GRID2: variants seen among roughly 807,000 people sequenced by gnomAD.
The protein encoded by GRID2 is glutamate ionotropic receptor delta type subunit 2.
Under a neutral mutation model 114.8 loss-of-function variants are expected in GRID2, and 33 were observed. That is an observed-to-expected ratio of 0.29 (90% CI 0.22 to 0.38). GRID2 has a LOEUF of 0.38. GRID2 is among the 10% of genes least tolerant of loss of function. The pLI, the probability that GRID2 is intolerant of heterozygous loss-of-function variation, is 1.00. For missense variants in GRID2, 1,184 were observed against 1,257.7 expected, an observed-to-expected ratio of 0.94 and a Z score of 0.89; for synonymous variants, 505 against 449.9, an observed-to-expected ratio of 1.12 and a Z score of -1.55.
intron 14 of GRID2, among the ~76,000 whole-genome samples, chr4:93,767,027 T>C (rs1733731034): frequency 6.6e-6 from 1 of 152,240 alleles, no homozygotes; most frequent in African/African-American, 2.4e-5. Flanking sequence ...CTTTGTGTGT[T>C]GCCTAACACA....
intron 1 of GRID2, among the ~76,000 whole-genome samples, chr4:92,443,427 T>C (rs528931058): frequency 4.8e-5 from 7 of 147,188 alleles, no homozygotes; most frequent in South Asian, 4.3e-4. Context: ...GAATGGAGGG[T>C]GGAAGGTTGC....
intron 1 of GRID2, among the ~76,000 whole-genome samples, chr4:92,519,242 C>T (rs1469699832): frequency 6.6e-6 from 1 of 151,560 alleles, no homozygotes; most frequent in Non-Finnish European, 1.5e-5. Flanking sequence ...AAGCATTTGC[C>T]TAAAAGTCAC....
intron 1 of GRID2, among the ~76,000 whole-genome samples, chr4:92,367,593 A>C (rs1376660141): frequency 6.6e-6 from 1 of 152,056 alleles, no homozygotes; most frequent in Admixed American, 6.6e-5. Flanking sequence ...TATAGTGGGC[A>C]TTGGGCAGAA....
intron 2 of GRID2, among the ~76,000 whole-genome samples, chr4:92,858,900 C>G (rs947429687): frequency 6.6e-6 from 1 of 152,090 alleles, no homozygotes; most frequent in African/African-American, 2.4e-5. Flanking sequence ...TTTTAAGTTT[C>G]CATCTCAGGA....
At chr4:93,704,448 C>A (rs1435983466) in intron 14 of GRID2, among the ~76,000 whole-genome samples, 1 of 152,060 alleles carries the variant, frequency 6.6e-6, no homozygotes, top group Non-Finnish European at 1.5e-5. Context: ...CTGTAGGTTG[C>A]CTGTTCACTC....
chr4:92,389,724 T>C (rs1172324825), intron 1 of GRID2, among the ~76,000 whole-genome samples: 1 of 152,062 alleles, frequency 6.6e-6, no homozygotes, highest in Non-Finnish European at 1.5e-5. Flanking sequence ...ACTGATGATA[T>C]GGAACTGGGT....
At chr4:93,357,018 T>G (rs543051839) in intron 8 of GRID2, among the ~76,000 whole-genome samples, 1 of 151,844 alleles carries the variant, frequency 6.6e-6, no homozygotes, top group Non-Finnish European at 1.5e-5. Context: ...TATCTATATT[T>G]AAATTCTTAT....
intron 2 of GRID2, among the ~76,000 whole-genome samples, chr4:93,042,696 TATATATGCATATATATATAG>T (rs1463474714): frequency 6.9e-6 from 1 of 144,692 alleles, no homozygotes; most frequent in Non-Finnish European, 1.5e-5. Flanking sequence ...TATATGCATA[TATATATGCATATATATATAG>T]ATATATAGAG....
intron 11 of GRID2, among the ~76,000 whole-genome samples, chr4:93,468,487 A>T (rs1188196152): frequency 6.6e-6 from 1 of 152,336 alleles, no homozygotes; most frequent in Admixed American, 6.5e-5. Flanking sequence ...AATTTGTTGC[A>T]GTAAGCCTCT....
intron 4 of GRID2, among the ~76,000 whole-genome samples, chr4:93,170,479 A>G (rs893029206): frequency 6.6e-5 from 10 of 152,220 alleles, no homozygotes; most frequent in South Asian, 2.1e-4. Flanking sequence ...TTGGGTGCAC[A>G]TCACATCCGG....
At chr4:93,115,891 A>G (rs919053362) in intron 4 of GRID2, among the ~76,000 whole-genome samples, 1 of 152,178 alleles carries the variant, frequency 6.6e-6, no homozygotes, top group Admixed American at 6.5e-5. Context: ...CAGGAGCTAC[A>G]GTTTAAGATG....
At chr4:92,956,906 G>T (rs1752444842) in intron 2 of GRID2, among the ~76,000 whole-genome samples, 1 of 152,114 alleles carries the variant, frequency 6.6e-6, no homozygotes, top group Non-Finnish European at 1.5e-5. Flanking sequence ...TTTCCCTAAT[G>T]ACATATGATG....
chr4:92,602,738 C>A (rs1159285430), intron 2 of GRID2, among the ~76,000 whole-genome samples: 1 of 152,068 alleles, frequency 6.6e-6, no homozygotes, highest in Non-Finnish European at 1.5e-5. Context: ...AAAGGTTATT[C>A]AAATAGGAAG....
At chr4:92,648,901 T>C (rs1439616170) in intron 2 of GRID2, among the ~76,000 whole-genome samples, 1 of 145,632 alleles carries the variant, frequency 6.9e-6, no homozygotes, top group Admixed American at 6.8e-5. Flanking sequence ...TATTATCAGA[T>C]ACATAAATAT....
intron 14 of GRID2, among the ~76,000 whole-genome samples, chr4:93,730,678 G>A (rs1233183020): frequency 6.6e-6 from 1 of 152,156 alleles, no homozygotes; most frequent in African/African-American, 2.4e-5. Flanking sequence ...GCTTAAGCAG[G>A]GCAGGGGGTT....
Position 93,590,627 on chromosome 4 carries a change from T to A in GRID2, c.2194-35642T>A, listed in dbSNP as rs1158944509. Among the ~76,000 whole-genome samples, 3 of 152,318 alleles carry A rather than the reference T, an allele frequency of 2.0e-5. No individual in the cohort carries two copies. The East Asian group carries it at 5.8e-4, about 29-fold the overall frequency. On this transcript the variant is annotated intron_variant, in intron 13 of 15. Coordinates refer to ENST00000282020, the MANE Select transcript of GRID2 (RefSeq NM_001510.4). ...GTAGCTTGATGGGGATAGCATTGAATCTGTAAATTACCTTGGGCAGTATGG... is the reference window on the plus strand; with the variant it reads ...GTAGCTTGATGGGGATAGCATTGAAACTGTAAATTACCTTGGGCAGTATGG...
chr4:92,961,736 C>T (rs552506612), intron 2 of GRID2, among the ~76,000 whole-genome samples: 1 of 150,708 alleles, frequency 6.6e-6, no homozygotes, highest in Non-Finnish European at 1.5e-5. Flanking sequence ...AATTCTTGGT[C>T]GTGGGTGATT....
chr4:92,844,928 A>G (rs1394135426), intron 2 of GRID2, among the ~76,000 whole-genome samples: 2 of 152,080 alleles, frequency 1.3e-5, no homozygotes, highest in Non-Finnish European at 2.9e-5. Flanking sequence ...GGATTTATGC[A>G]TTTGTCTATT....
chr4:93,565,249 A>T (rs1213887689), intron 13 of GRID2, among the ~76,000 whole-genome samples: 1 of 152,132 alleles, frequency 6.6e-6, no homozygotes, highest in African/African-American at 2.4e-5. Context: ...AATACACCAC[A>T]CACATGAGAT....
Sources: allele counts gnomAD v4.1 joint callset (sites outside exome capture counted in the v4.1 genomes callset), GRCh38; gene constraint gnomAD v4.1.1; transcripts MANE v1.5; gene names NCBI Gene and HGNC (gene_info 2026-07-23, HGNC 2026-07-21).